The following PLXDC2 variants were observed in gnomAD, a reference collection of about 807,000 sequenced individuals.
PLXDC2 encodes plexin domain containing 2, also known as plexin domain-containing protein 2.
A neutral mutation model predicts 68.9 loss-of-function variants in PLXDC2; 40 were observed. The ratio of observed to expected loss-of-function variants is 0.58; its 90% CI spans 0.45 to 0.76. The LOEUF (loss-of-function observed/expected upper bound fraction) is 0.76. Among genes scored for constraint, PLXDC2 ranks in the 30% least tolerant of loss-of-function variants. PLXDC2 has a pLI of 0.00. For missense variants in PLXDC2, 644 were observed against 661.9 expected (o/e 0.97, Z 0.30); for synonymous variants, 243 against 234.2 (o/e 1.04, Z -0.34).
At chr10:20,195,015 C>T (rs536110983) in intron 9 of PLXDC2, among the ~76,000 whole-genome samples, 52 of 152,032 alleles carry the variant, frequency 3.4e-4, no homozygotes, top group Admixed American at 1.0e-3. Context: ...GATTGTATTA[C>T]ATTATAAAAG....
intron 13 of PLXDC2, among the ~76,000 whole-genome samples, chr10:20,272,788 T>G (rs1330605419): frequency 6.6e-6 from 1 of 152,166 alleles, no homozygotes; most frequent in East Asian, 1.9e-4. Context: ...CATTAAAGAG[T>G]GGGCTCGCTT....
intron 2 of PLXDC2, among the ~76,000 whole-genome samples, chr10:20,023,100 T>G (rs1835340326): frequency 6.9e-6 from 1 of 145,232 alleles, no homozygotes; most frequent in Non-Finnish European, 1.5e-5. Flanking sequence ...ATATATATAA[T>G]ATTTTAAATA....
In PLXDC2 at chr10:19,982,549, A is replaced by T. The variant is rs1442245653; in HGVS notation, c.113-19226A>T. The stretch of plus-strand genomic sequence containing the variant: ...TGTTAGGACAGTAAAATTAATTAAC[A>T]TATATGTTTTTATACAGGATCGGTA... On this transcript the variant is annotated intron_variant, in intron 1 of 13. Coordinates refer to ENST00000377252, the MANE Select transcript of PLXDC2 (RefSeq NM_032812.9). Among the ~76,000 whole-genome samples the T allele has an allele frequency of 2.0e-5, 3 of 152,288 alleles. No homozygotes were observed. The South Asian group carries it at 6.2e-4, about 32-fold the overall frequency.
At chr10:19,930,682 G>C (rs564213916) in intron 1 of PLXDC2, among the ~76,000 whole-genome samples, 1 of 151,990 alleles carries the variant, frequency 6.6e-6, no homozygotes, top group Non-Finnish European at 1.5e-5. Flanking sequence ...TAAAAAAAAG[G>C]CTGGCACGGT....
intron 13 of PLXDC2, among the ~76,000 whole-genome samples, chr10:20,258,962 C>G (rs998203106): frequency 5.5e-5 from 8 of 146,482 alleles, no homozygotes; most frequent in African/African-American, 1.8e-4. Flanking sequence ...GAGCAGAGAT[C>G]ATGCCACTGC....
rs1481822799 is a variant in PLXDC2, at chr10:20,082,058, AAAAATC to A, written c.541+13824_541+13829del. 3.0e-3 allele frequency among the ~76,000 whole-genome samples: 407 copies of A among 136,184 alleles called. 1 individual carries two copies. The highest frequency in any genetic ancestry group is 0.011 in the Middle Eastern group (3 of 262). The allele number at this position is 136,184 out of a possible 152,430, so 89.3% of individuals were successfully genotyped here. A position where few individuals can be genotyped will look rare whatever the true frequency, so the allele number is the denominator to read the frequency against. ...GAAACTCCATCTGAAAAAAAAAAAA[AAAAATC>A]AAAAAAAAAAAACAGGAGAAGTCTG... On this transcript the variant is annotated intron_variant, in intron 4 of 13. Transcript: ENST00000377252.
intron 1 of PLXDC2, among the ~76,000 whole-genome samples, chr10:19,838,164 T>G (rs1439249994): frequency 6.6e-6 from 1 of 152,116 alleles, no homozygotes; most frequent in Non-Finnish European, 1.5e-5. Flanking sequence ...GGTCTTGCTA[T>G]GTTGCCCAGG....
chr10:20,143,304 A>C lies in PLXDC2; in HGVS notation c.551A>C (p.Tyr184Ser). 4 of 1,612,266 alleles carry C rather than the reference A, an allele frequency of 2.5e-6. No individual in the cohort carries two copies. Among genetic ancestry groups the C allele is most frequent in the Non-Finnish European group, 3.4e-6 (4 of 1,178,832 alleles). ...EITVATGGFI[Y>S]TGEVVHRMLT... ...ATTTTTCTAATTCTAGGTTTCATAT[A>C]CACTGGAGAAGTCGTACATCGAATG... The change falls in exon 5 of 14, where the codon TAC becomes TCC. Residue 184 changes from tyrosine to serine, a missense_variant. Physicochemically the swap from Tyr to Ser is moderately radical, Grantham distance 144 (BLOSUM62 -2). Around this residue, in one of 3 missense-constraint regions of PLXDC2, gnomAD observed 113 missense variants for 167.1 expected, o/e 0.68. Coordinates refer to ENST00000377252, the MANE Select transcript of PLXDC2 (RefSeq NM_032812.9).
rs2119412793 is a variant in PLXDC2 at position 20,288,567 on chromosome 10, T to C, written c.*8748T>C. ...AATTCAATAATTCAGAGATGCTACATACTTCTGCAAGCTTCCTGATTATGT... is the reference window on the plus strand; with the variant it reads ...AATTCAATAATTCAGAGATGCTACACACTTCTGCAAGCTTCCTGATTATGT... On this transcript the variant is annotated 3_prime_UTR_variant, in exon 14 of 14. Coordinates refer to ENST00000377252, the MANE Select transcript of PLXDC2 (RefSeq NM_032812.9). 6.6e-6 allele frequency: 1 copy of C among 152,318 alleles called. No homozygotes were observed. The highest frequency in any genetic ancestry group is 1.9e-4 in the East Asian group (1 of 5,176). The allele number at this position is 152,318 out of a possible 1,614,324, so 9.4% of individuals were successfully genotyped here.
chr10:20,224,303 G>A (rs1381717142), intron 12 of PLXDC2, among the ~76,000 whole-genome samples: 1 of 152,056 alleles, frequency 6.6e-6, no homozygotes, highest in Non-Finnish European at 1.5e-5. Context: ...ATTTCTTTGA[G>A]TAATGGTTAT....
At chr10:20,149,605 T>A (rs977452691) in intron 6 of PLXDC2, among the ~76,000 whole-genome samples, 1 of 152,174 alleles carries the variant, frequency 6.6e-6, no homozygotes, top group Admixed American at 6.5e-5. Flanking sequence ...CCAGTGTCTG[T>A]TGTTCCCTTC....
intron 3 of PLXDC2, among the ~76,000 whole-genome samples, chr10:20,050,594 T>A (rs1170330538): frequency 6.6e-6 from 1 of 151,616 alleles, no homozygotes; most frequent in Non-Finnish European, 1.5e-5. Context: ...CCAACAAGCA[T>A]ATGAAAAAAA....
chr10:20,261,197 T>G (rs761522137), intron 13 of PLXDC2, among the ~76,000 whole-genome samples: 4 of 152,228 alleles, frequency 2.6e-5, no homozygotes, highest in Non-Finnish European at 5.9e-5. Context: ...CAGTTTTATG[T>G]AATCTCACTT....
chr10:20,001,898 G>T lies in PLXDC2; in HGVS notation c.236G>T (p.Arg79Leu). ...LDFLKAVDTN[R>L]ASVGQDSPEP... ...TTTCTCAAGGCGGTAGACACGAACC[G>T]AGCAAGCGTCGGCCAAGACTCTCCT... Residue 79 changes from arginine (R) to leucine (L), a missense_variant, in exon 2 of 14, where the codon CGA becomes CTA. Arg to Leu is a moderately radical substitution (Grantham distance 102). Coordinates refer to ENST00000377252, the MANE Select transcript of PLXDC2 (RefSeq NM_032812.9). 6.2e-7 allele frequency: 1 copy of T among 1,613,758 alleles called. No individual in the cohort carries two copies. Among genetic ancestry groups the T allele is most frequent in the South Asian group, 1.1e-5 (1 of 91,072 alleles).
intron 12 of PLXDC2, among the ~76,000 whole-genome samples, chr10:20,222,269 G>A (rs1365957216): frequency 6.6e-6 from 1 of 152,038 alleles, no homozygotes; most frequent in Non-Finnish European, 1.5e-5. Context: ...TTTCTTAATG[G>A]GATCCACTGC....
chr10:20,089,169 C>CGTGTGTGTGTGT (rs34167804), intron 4 of PLXDC2, among the ~76,000 whole-genome samples: 5 of 142,690 alleles, frequency 3.5e-5, no homozygotes, highest in East Asian at 2.0e-4. Flanking sequence ...CCTGTATATA[C>CGTGTGTGTGTGT]GTGTGTGTGT....
intron 4 of PLXDC2, among the ~76,000 whole-genome samples, chr10:20,091,956 A>G (rs1314708498): frequency 3.9e-5 from 6 of 152,236 alleles, no homozygotes; most frequent in South Asian, 2.1e-4. Flanking sequence ...GCAAATGCCT[A>G]TCATAGTAAA....
At chr10:19,911,542 A>C (rs7078958) in intron 1 of PLXDC2, among the ~76,000 whole-genome samples, 9,861 of 152,206 alleles carry the variant, frequency 0.065, 730 homozygotes, top group African/African-American at 0.18. Context: ...TTTGTCAAAC[A>C]TCCAAGCCAT....
intron 2 of PLXDC2, among the ~76,000 whole-genome samples, chr10:20,034,031 A>G (rs1022933923): frequency 6.6e-6 from 1 of 152,174 alleles, no homozygotes; most frequent in African/African-American, 2.4e-5. Context: ...ATTGTGCAAG[A>G]CGTGAAAAAG....
Sources: allele counts gnomAD v4.1 joint callset (sites outside exome capture counted in the v4.1 genomes callset), GRCh38; gene constraint gnomAD v4.1.1; regional missense constraint gnomAD v4.1.1; transcripts MANE v1.5; gene names NCBI Gene and HGNC (gene_info 2026-07-23, HGNC 2026-07-21).